IMMP2L: variants seen among roughly 807,000 people sequenced by gnomAD.
IMMP2L encodes the protein inner mitochondrial membrane peptidase subunit 2, also known as mitochondrial inner membrane protease subunit 2.
IMMP2L carries 18 observed loss-of-function variants against 19.3 expected under a neutral mutation model. That is an observed-to-expected ratio of 0.93 (90% CI 0.64 to 1.38). The LOEUF is 1.38. Ranked by LOEUF, IMMP2L falls within the 40% of genes most tolerant of loss-of-function variation. The pLI is 0.00. For missense variants in IMMP2L, 233 were observed against 218.2 expected (o/e 1.07, Z -0.43); for synonymous variants, 76 against 73.0 (o/e 1.04, Z -0.21).
intron 3 of IMMP2L, among the ~76,000 whole-genome samples, chr7:111,307,808 T>C (rs1313658641): frequency 1.3e-5 from 2 of 151,864 alleles, no homozygotes; most frequent in African/African-American, 2.4e-5. Flanking sequence ...TTTTTATTGA[T>C]ATACTAGCTC....
Position 110,792,747 on chromosome 7 carries a change from A to G in IMMP2L, c.408+93846T>C, listed in dbSNP as rs558165139. 4.6e-5 allele frequency among the ~76,000 whole-genome samples: 7 copies of G among 152,238 alleles called. No individual in the cohort carries two copies. In the East Asian group the frequency reaches 1.2e-3, roughly 25 times the overall value. ...TTAATGTTGTACATTCTAGGGGTAC[A>G]TTCTATTGACACACATACAATGAAT... On this transcript the variant is annotated intron_variant, in intron 5 of 5. Transcript: ENST00000405709.
chr7:110,779,936 A>G (rs950558249), intron 5 of IMMP2L, among the ~76,000 whole-genome samples: 1 of 151,896 alleles, frequency 6.6e-6, no homozygotes, highest in African/African-American at 2.4e-5. Flanking sequence ...AGAAAGAGGA[A>G]AACACACGTT....
intron 3 of IMMP2L, among the ~76,000 whole-genome samples, chr7:111,337,561 A>G (rs1826567271): frequency 6.7e-6 from 1 of 149,424 alleles, no homozygotes; most frequent in Non-Finnish European, 1.5e-5. Flanking sequence ...GCTGACAAAT[A>G]AAAGAATCAA....
At chr7:110,719,812 T>C (rs1001197361) in intron 5 of IMMP2L, among the ~76,000 whole-genome samples, 1 of 152,218 alleles carries the variant, frequency 6.6e-6, no homozygotes, top group South Asian at 2.1e-4. Flanking sequence ...TCACATGCTT[T>C]ATCCTGTGGT....
intron 3 of IMMP2L, among the ~76,000 whole-genome samples, chr7:111,416,209 C>T (rs914655312): frequency 7.2e-5 from 11 of 151,812 alleles, no homozygotes; most frequent in Admixed American, 4.6e-4. Flanking sequence ...ACTTTATATA[C>T]GATGCTTGAA....
At chr7:111,107,015 T>G (rs1323770888) in intron 3 of IMMP2L, among the ~76,000 whole-genome samples, 2 of 151,922 alleles carry the variant, frequency 1.3e-5, no homozygotes, top group East Asian at 3.9e-4. Context: ...TGGATGTAAA[T>G]CCTAGAAAAC....
At chr7:111,368,109 T>G (rs1452834149) in intron 3 of IMMP2L, among the ~76,000 whole-genome samples, 1 of 151,818 alleles carries the variant, frequency 6.6e-6, no homozygotes, top group Admixed American at 6.6e-5. Flanking sequence ...ATATTGAATA[T>G]GCTTATATGG....
chr7:111,396,457 A>G (rs952877409), intron 3 of IMMP2L, among the ~76,000 whole-genome samples: 2 of 152,104 alleles, frequency 1.3e-5, no homozygotes, highest in Non-Finnish European at 2.9e-5. Flanking sequence ...CAATGAGAAC[A>G]CATGGATACA....
intron 3 of IMMP2L, among the ~76,000 whole-genome samples, chr7:111,130,311 A>G (rs1353872502): frequency 6.6e-6 from 1 of 152,182 alleles, no homozygotes; most frequent in Non-Finnish European, 1.5e-5. Flanking sequence ...AGTGGCCCAG[A>G]GTAACAGCAT....
At chr7:111,336,227 A>G (rs1420753319) in intron 3 of IMMP2L, among the ~76,000 whole-genome samples, 1 of 148,962 alleles carries the variant, frequency 6.7e-6, no homozygotes, top group African/African-American at 2.5e-5. Context: ...TTTTTTTTTA[A>G]GTTTTTTGTA....
intron 5 of IMMP2L, among the ~76,000 whole-genome samples, chr7:110,665,976 C>A (rs995864242): frequency 6.6e-6 from 1 of 152,012 alleles, no homozygotes; most frequent in African/African-American, 2.4e-5. Context: ...TATTAGTTGG[C>A]ATTGTTCTCT....
intron 3 of IMMP2L, among the ~76,000 whole-genome samples, chr7:110,991,600 T>C (rs879435357): frequency 1.1e-4 from 16 of 152,034 alleles, no homozygotes; most frequent in Non-Finnish European, 1.9e-4. Flanking sequence ...ATAGCAATTG[T>C]CTCCAGACCC....
chr7:111,346,295 G>A (rs967474254), intron 3 of IMMP2L, among the ~76,000 whole-genome samples: 5 of 152,138 alleles, frequency 3.3e-5, no homozygotes, highest in South Asian at 2.1e-4. Context: ...TTGAACCCAT[G>A]TTGACTCCAC....
At chr7:111,155,807 A>G (rs1464961403) in intron 3 of IMMP2L, among the ~76,000 whole-genome samples, 1 of 152,034 alleles carries the variant, frequency 6.6e-6, no homozygotes, top group Non-Finnish European at 1.5e-5. Context: ...GCTTCGATGT[A>G]TTTTCATGAA....
chr7:111,063,597 C>T (rs559146125), intron 3 of IMMP2L, among the ~76,000 whole-genome samples: 4 of 152,202 alleles, frequency 2.6e-5, no homozygotes, highest in Non-Finnish European at 5.9e-5. Context: ...TTATGCTCTG[C>T]TCCCCTTACA....
chr7:111,486,101 G>T (rs1315349220), intron 3 of IMMP2L, among the ~76,000 whole-genome samples: 3 of 152,112 alleles, frequency 2.0e-5, no homozygotes, highest in Non-Finnish European at 4.4e-5. Context: ...ACTTCAAAGA[G>T]CAGGTTAATA....
intron 3 of IMMP2L, among the ~76,000 whole-genome samples, chr7:111,447,558 C>T (rs1479219641): frequency 1.4e-5 from 2 of 147,234 alleles, no homozygotes; most frequent in African/African-American, 2.5e-5. Context: ...CTGAAGGAAG[C>T]GCTAAACATG....
intron 3 of IMMP2L, among the ~76,000 whole-genome samples, chr7:111,074,128 G>T (rs762077683): frequency 6.6e-6 from 1 of 152,184 alleles, no homozygotes; most frequent in Non-Finnish European, 1.5e-5. Flanking sequence ...GGACACCAGA[G>T]ACAACCAGGT....
intron 4 of IMMP2L, among the ~76,000 whole-genome samples, chr7:110,905,424 CTCAT>C (rs1812345991): frequency 6.6e-6 from 1 of 152,092 alleles, no homozygotes; most frequent in Non-Finnish European, 1.5e-5. Context: ...GATGAATACA[CTCAT>C]TCTTTCCCTT....
Sources: gnomAD v4.1 joint callset for allele counts (sites outside exome capture counted in the v4.1 genomes callset) on GRCh38, gnomAD v4.1.1 for gene constraint, MANE v1.5 for transcripts, NCBI Gene and HGNC (gene_info 2026-07-23, HGNC 2026-07-21) for gene names.